The following ALG12 variants were observed in gnomAD, a reference collection of about 807,000 sequenced individuals.
The protein encoded by ALG12 is ALG12 alpha-1,6-mannosyltransferase, also known as dol-P-Man:Man(7)GlcNAc(2)-PP-Dol alpha-1,6-mannosyltransferase.
A neutral mutation model predicts 46.0 loss-of-function variants in ALG12; 36 were observed. The observed-to-expected ratio is 0.78, with a 90% CI of 0.60 to 1.03. The LOEUF is 1.03. ALG12 is among the 50% of genes least tolerant of loss of function. The pLI is 0.00. For synonymous variants in ALG12, 326 were observed against 291.6 expected (o/e 1.12, Z -1.20); for missense variants, 599 against 633.5 (o/e 0.95, Z 0.58).
chr22:49,907,937 G>C lies in ALG12; in HGVS notation c.776C>G (p.Pro259Arg). ...GGCTGAGTAGAAGTACCACAGCAGC[G>C]GGGAGGTCTGCGGGCTGGGTTAAGG... ...LNKSSNWGTS[P>R]LLWYFYSALP... The change falls in exon 7 of 10, where the codon CCG becomes CGG. Residue 259 changes from proline to arginine, a missense_variant. Coordinates refer to ENST00000330817, the MANE Select transcript of ALG12 (RefSeq NM_024105.4). 6.2e-7 allele frequency: 1 copy of C among 1,612,314 alleles called. No homozygotes were observed. Among genetic ancestry groups the C allele is most frequent in the Non-Finnish European group, 8.5e-7 (1 of 1,179,854 alleles).
the ALG12 span, chr22:49,885,574 G>A: frequency 2.5e-5 from 40 of 1,602,982 alleles, no homozygotes; most frequent in African/African-American, 4.0e-5. Context: ...ATTATCAGGC[G>A]CTTCCTCTTT....
rs980169501 is a variant in ALG12 at position 49,905,301 on chromosome 22, G to A, written c.993-795C>T. Among the ~76,000 whole-genome samples, 14 of 152,224 alleles carry A rather than the reference G, an allele frequency of 9.2e-5. No homozygotes were observed. Among genetic ancestry groups the A allele is most frequent in the African/African-American group, 2.2e-4 (9 of 41,546 alleles). On this transcript the variant is annotated intron_variant, in intron 7 of 9. Transcript: ENST00000330817. The surrounding 1 kb of genome is among the most constrained non-coding windows in gnomAD (Gnocchi z 4.9). ...CCTGGTCTAAACGCCCTGAACCCCC[G>A]ATCAAGACTCACTCTCTTCCAAACC...
chr22:49,880,813 C>G, the ALG12 span, among the ~76,000 whole-genome samples: 1 of 152,162 alleles, frequency 6.6e-6, no homozygotes, highest in African/African-American at 2.4e-5. Context: ...ATTTATAGGT[C>G]AATTTGGGAA....
the ALG12 span, chr22:49,887,146 G>A: frequency 6.2e-7 from 1 of 1,613,250 alleles, no homozygotes; most frequent in Non-Finnish European, 8.5e-7. Context: ...CTTTTTGAAA[G>A]TGAATCTTCC....
rs1422131692 is a variant in ALG12, at chr22:49,901,486, CGTGTGCATT to C, written c.*2343_*2351del. 4 of 151,738 alleles carry C rather than the reference CGTGTGCATT, an allele frequency of 2.6e-5. No homozygotes were observed. Among genetic ancestry groups the C allele is most frequent in the African/African-American group, 9.7e-5 (4 of 41,108 alleles). 9.4% of individuals were successfully genotyped at this position (151,738 alleles called of 1,614,324 possible). A position where few individuals can be genotyped will look rare whatever the true frequency, so the allele number is the denominator to read the frequency against. ...GTGGTATGTATGCATGGTGTGTGCACGTGTGCATTGTGTGCATGATTGCATTGTGTGGTG... is the reference window on the plus strand; with the variant it reads ...GTGGTATGTATGCATGGTGTGTGCACGTGTGCATGATTGCATTGTGTGGTG... On this transcript the variant is annotated 3_prime_UTR_variant, in exon 10 of 10. Coordinates refer to ENST00000330817, the MANE Select transcript of ALG12 (RefSeq NM_024105.4).
chr22:49,881,166 C>T, the ALG12 span, among the ~76,000 whole-genome samples: 1 of 151,854 alleles, frequency 6.6e-6, no homozygotes, highest in Admixed American at 6.5e-5. Context: ...GCCAACATGG[C>T]GAAACCCCGT....
In ALG12 at chr22:49,901,340, C is replaced by T. The variant is rs6520066; in HGVS notation, c.*2498G>A. The stretch of plus-strand genomic sequence containing the variant: ...AGTGTCTGCACAGATGTTCGCCAGA[C>T]GCAATGGGAAAACCAGGAGGCATCA... On this transcript the variant is annotated 3_prime_UTR_variant, in exon 10 of 10. Transcript: ENST00000330817. 0.36 allele frequency: 54,473 copies of T among 152,236 alleles called. 13,925 individuals are homozygous for T. The highest frequency in any genetic ancestry group is 0.73 in the African/African-American group (30,272 of 41,510). The allele number at this position is 152,236 out of a possible 1,614,324, so 9.4% of individuals were successfully genotyped here. A position where few individuals can be genotyped will look rare whatever the true frequency, so the allele number is the denominator to read the frequency against.
intron 3 of ALG12, among the ~76,000 whole-genome samples, chr22:49,912,269 C>A (rs752511802): frequency 6.6e-6 from 1 of 152,206 alleles, no homozygotes; most frequent in African/African-American, 2.4e-5. Flanking sequence ...AGGAAGGACA[C>A]AGGGTGGGCT....
the ALG12 span, among the ~76,000 whole-genome samples, chr22:49,863,676 T>C: frequency 2.0e-5 from 3 of 152,050 alleles, no homozygotes; most frequent in Middle Eastern, 3.2e-3. Context: ...TGCTTCTTTA[T>C]GTAGTAGATG....
intron 1 of ALG12, among the ~76,000 whole-genome samples, chr22:49,914,231 G>A (rs1321975552): frequency 1.3e-5 from 2 of 152,234 alleles, no homozygotes; most frequent in East Asian, 1.9e-4. Context: ...AGACGGAATG[G>A]GAGGCTGAGG....
Position 49,906,493 on chromosome 22 carries a change from C to G in ALG12, c.992+1228G>C, listed in dbSNP as rs1050909353. On this transcript the variant is annotated intron_variant, in intron 7 of 9. Coordinates refer to ENST00000330817, the MANE Select transcript of ALG12 (RefSeq NM_024105.4). The surrounding 1 kb of genome is among the most constrained non-coding windows in gnomAD (Gnocchi z 4.4). ...AGGAACCCCCAGCGAGGAACAGTCACGGCAGCCAGAGGAGCTCCCAGGCCC... is the reference window on the plus strand; with the variant it reads ...AGGAACCCCCAGCGAGGAACAGTCAGGGCAGCCAGAGGAGCTCCCAGGCCC... Among the ~76,000 whole-genome samples the G allele has an allele frequency of 3.9e-5, 6 of 152,144 alleles. No individual in the cohort carries two copies. Among genetic ancestry groups the G allele is most frequent in the African/African-American group, 1.4e-4 (6 of 41,420 alleles).
At chr22:49,865,735 G>A in the ALG12 span, among the ~76,000 whole-genome samples, 160 of 152,216 alleles carry the variant, frequency 1.1e-3, no homozygotes, top group Admixed American at 4.1e-3. Flanking sequence ...TTTGCTCTCC[G>A]GTAGATCTCT....
chr22:49,913,552 C>A, intron 2 of ALG12, 35 bp from the exon 3 acceptor site: 1 of 1,613,936 alleles, frequency 6.2e-7, no homozygotes, highest in South Asian at 1.1e-5. Context: ...GCACCGGGGC[C>A]CTGCCAGCTG....
chr22:49,873,748 A>T, the ALG12 span, among the ~76,000 whole-genome samples: 1 of 152,190 alleles, frequency 6.6e-6, no homozygotes, highest in Admixed American at 6.5e-5. Context: ...CAGCCCCAAG[A>T]AAGGCTCAGA....
the ALG12 span, among the ~76,000 whole-genome samples, chr22:49,892,021 T>C: frequency 6.6e-6 from 1 of 151,960 alleles, no homozygotes; most frequent in Non-Finnish European, 1.5e-5. Context: ...ACCCCGTCTC[T>C]ACTAAAAATA....
intron 5 of ALG12, 57 bp downstream of exon 5, chr22:49,909,837 T>A (rs780129899): frequency 2.6e-5 from 42 of 1,608,840 alleles, no homozygotes; most frequent in Non-Finnish European, 3.6e-5. Context: ...CTCTTGACCT[T>A]TGTAAAACAA....
At chr22:49,890,056 A>T in the ALG12 span, 1 of 166,368 alleles carries the variant, frequency 6.0e-6, no homozygotes, top group Non-Finnish European at 1.5e-5. Context: ...ATAAAAAAAT[A>T]AAAACTTTAT....
chr22:49,883,765 G>T, the ALG12 span: 1 of 1,613,246 alleles, frequency 6.2e-7, no homozygotes, highest in Non-Finnish European at 8.5e-7. Context: ...AATTCCTCCT[G>T]ATAGTTTGGA....
chr22:49,880,639 T>C, the ALG12 span, among the ~76,000 whole-genome samples: 2 of 152,250 alleles, frequency 1.3e-5, no homozygotes, highest in African/African-American at 4.8e-5. Context: ...CTTTGTTTTG[T>C]TCATCATGGC....
Sources: allele counts gnomAD v4.1 joint callset (sites outside exome capture counted in the v4.1 genomes callset), GRCh38; gene constraint gnomAD v4.1.1; non-coding constraint Gnocchi (gnomAD v3.1); transcripts MANE v1.5; gene names NCBI Gene and HGNC (gene_info 2026-07-23, HGNC 2026-07-21).